KHDRBS3: variants seen among roughly 807,000 people sequenced by gnomAD.
KHDRBS3 encodes KH domain-containing, RNA-binding, signal transduction-associated protein 3.
In KHDRBS3, 23 loss-of-function variants were observed where a neutral mutation model predicts 45.6. The ratio of observed to expected loss-of-function variants is 0.50; its 90% CI spans 0.36 to 0.72. The LOEUF (loss-of-function observed/expected upper bound fraction) is 0.72, where lower values mean the gene tolerates loss of function less well. Ranked by LOEUF, KHDRBS3 falls within the 30% of genes least tolerant of loss-of-function variation. The pLI is 0.00. For synonymous variants in KHDRBS3, 162 were observed against 156.5 expected (o/e 1.04, Z -0.26); for missense variants, 352 against 424.8 (o/e 0.83, Z 1.51).
chr8:135,635,021 G>A (rs185706757), intron 7 of KHDRBS3, among the ~76,000 whole-genome samples: 1 of 152,228 alleles, frequency 6.6e-6, no homozygotes, highest in Admixed American at 6.5e-5. Flanking sequence ...TTGCTGTGGT[G>A]TGGGGAAAAA....
chr8:135,574,852 T>C (rs1827879267), intron 5 of KHDRBS3, among the ~76,000 whole-genome samples: 3 of 152,290 alleles, frequency 2.0e-5, no homozygotes, highest in Non-Finnish European at 2.9e-5. Flanking sequence ...TTTTATTGAG[T>C]CAGTAAAAAT....
intron 1 of KHDRBS3, among the ~76,000 whole-genome samples, chr8:135,463,129 T>C (rs1821515993): frequency 6.6e-6 from 1 of 152,036 alleles, no homozygotes; most frequent in African/African-American, 2.4e-5. Context: ...TTTGTTTGGA[T>C]CTTTGTCTTT....
intron 6 of KHDRBS3, among the ~76,000 whole-genome samples, chr8:135,602,093 T>C (rs10088630): frequency 0.66 from 100,182 of 152,058 alleles, 33,763 homozygotes; most frequent in East Asian, 0.96. Flanking sequence ...GTCATTTGTT[T>C]ATTGGTTAAT....
chr8:135,535,997 T>A (rs962287806), intron 2 of KHDRBS3, among the ~76,000 whole-genome samples: 2 of 152,146 alleles, frequency 1.3e-5, no homozygotes, highest in Admixed American at 1.3e-4. Flanking sequence ...CTTTATTTTC[T>A]TTAATTTTCT....
intron 1 of KHDRBS3, among the ~76,000 whole-genome samples, chr8:135,472,707 C>T (rs111929265): frequency 1.3e-4 from 20 of 152,292 alleles, no homozygotes; most frequent in Middle Eastern, 3.4e-3. Flanking sequence ...CAGCTCTGTT[C>T]TAGATGGATC....
At chr8:135,577,789 G>A (rs370671025) in intron 5 of KHDRBS3, among the ~76,000 whole-genome samples, 9 of 152,260 alleles carry the variant, frequency 5.9e-5, no homozygotes, top group African/African-American at 2.2e-4. Context: ...GTATAATAAG[G>A]CTATGTTTAG....
At chr8:135,493,548 G>C (rs1027791998) in intron 1 of KHDRBS3, among the ~76,000 whole-genome samples, 2 of 152,042 alleles carry the variant, frequency 1.3e-5, no homozygotes, top group Non-Finnish European at 2.9e-5. Flanking sequence ...CTCTTCAGTT[G>C]ATGATATAGT....
At chr8:135,601,747 A>C (rs1829225778) in intron 6 of KHDRBS3, among the ~76,000 whole-genome samples, 1 of 152,182 alleles carries the variant, frequency 6.6e-6, no homozygotes, top group Non-Finnish European at 1.5e-5. Context: ...CTAAGCTTAG[A>C]TGTTTGCTTG....
At chr8:135,596,318 G>C (rs556291730) in intron 6 of KHDRBS3, among the ~76,000 whole-genome samples, 2 of 152,256 alleles carry the variant, frequency 1.3e-5, no homozygotes, top group African/African-American at 4.8e-5. Flanking sequence ...AGTCTTAAAA[G>C]AAATCTAGAG....
intron 4 of KHDRBS3, among the ~76,000 whole-genome samples, chr8:135,553,303 C>G (rs1203479110): frequency 6.6e-6 from 1 of 152,060 alleles, no homozygotes; most frequent in Admixed American, 6.6e-5. Flanking sequence ...TTTTCAGACT[C>G]CTAAAATGGT....
intron 1 of KHDRBS3, among the ~76,000 whole-genome samples, chr8:135,465,010 G>A (rs1420950493): frequency 1.1e-4 from 16 of 152,206 alleles, no homozygotes; most frequent in Admixed American, 1.0e-3. Flanking sequence ...GACTGGGTGA[G>A]CAGGGCAGTT....
downstream of KHDRBS3, among the ~76,000 whole-genome samples, chr8:135,651,878 G>A (rs2131220117): frequency 6.6e-6 from 1 of 152,276 alleles, no homozygotes. Context: ...AACCCACACA[G>A]TCATGTTAAC....
intron 1 of KHDRBS3, among the ~76,000 whole-genome samples, chr8:135,485,903 A>G (rs1389763481): frequency 6.9e-6 from 1 of 145,390 alleles, no homozygotes; most frequent in Admixed American, 6.9e-5. Flanking sequence ...TATAATGTTT[A>G]CAAAGATACA....
At chr8:135,508,502 C>T (rs1824118712) in intron 1 of KHDRBS3, among the ~76,000 whole-genome samples, 1 of 152,148 alleles carries the variant, frequency 6.6e-6, no homozygotes, top group African/African-American at 2.4e-5. Context: ...TTGGTGACCT[C>T]TGGAGCCTGA....
intron 1 of KHDRBS3, among the ~76,000 whole-genome samples, chr8:135,459,223 T>C (rs1821297151): frequency 6.6e-6 from 1 of 152,228 alleles, no homozygotes; most frequent in Non-Finnish European, 1.5e-5. Flanking sequence ...TTTTTGCCTG[T>C]TTCAACCAGT....
chr8:135,655,700 T>C (rs904112682), intron 4 of KHDRBS3, among the ~76,000 whole-genome samples: 2 of 151,666 alleles, frequency 1.3e-5, no homozygotes, highest in African/African-American at 4.8e-5. Context: ...ATCACCACAA[T>C]GGCCATTTCT....
At chr8:135,529,520 T>C (rs1429442556) in intron 2 of KHDRBS3, among the ~76,000 whole-genome samples, 1 of 151,948 alleles carries the variant, frequency 6.6e-6, no homozygotes. Context: ...AATAAAATTT[T>C]CAGTAAAATT....
chr8:135,597,570 C>A (rs1829028096), intron 6 of KHDRBS3, among the ~76,000 whole-genome samples: 1 of 152,060 alleles, frequency 6.6e-6, no homozygotes, highest in Non-Finnish European at 1.5e-5. Context: ...CCAACACTCT[C>A]ATTATCTTAT....
chr8:135,648,430 C>A (rs1009465629), downstream of KHDRBS3: 2 of 151,944 alleles, frequency 1.3e-5, no homozygotes, highest in African/African-American at 4.8e-5. Flanking sequence ...AAAGTTTATT[C>A]TTTAATCATT....
Sources: gnomAD v4.1 joint callset for allele counts (sites outside exome capture counted in the v4.1 genomes callset) on GRCh38, gnomAD v4.1.1 for gene constraint, MANE v1.5 for transcripts, NCBI Gene and HGNC (gene_info 2026-07-23, HGNC 2026-07-21) for gene names.